Variants in DPP6 observed in about 807,000 individuals in gnomAD.
DPP6 encodes A-type potassium channel modulatory protein DPP6.
A neutral mutation model predicts 122.6 loss-of-function variants in DPP6; 69 were observed. The ratio of observed to expected loss-of-function variants is 0.56; its 90% CI spans 0.46 to 0.69. DPP6 has a LOEUF of 0.69. DPP6 is among the 30% of genes least tolerant of loss of function. The pLI, the probability that DPP6 is intolerant of heterozygous loss-of-function variation, is 0.00. For synonymous variants in DPP6, 418 were observed against 433.1 expected (o/e 0.97, Z 0.43); for missense variants, 928 against 1,116.9 (o/e 0.83, Z 2.41).
At chr7:154,023,028 C>T (rs945839385) in intron 1 of DPP6, among the ~76,000 whole-genome samples, 29 of 152,202 alleles carry the variant, frequency 1.9e-4, no homozygotes, top group African/African-American at 5.8e-4. Flanking sequence ...CTGAGGTACC[C>T]AGTACTTGTC....
At chr7:154,310,140 C>G (rs529758870) in intron 1 of DPP6, among the ~76,000 whole-genome samples, 1 of 152,154 alleles carries the variant, frequency 6.6e-6, no homozygotes, top group East Asian at 1.9e-4. Flanking sequence ...GGTCCAGAAC[C>G]AGAGCTCCCT....
the DPP6 span, among the ~76,000 whole-genome samples, chr7:153,817,892 C>T: frequency 2.6e-5 from 4 of 151,290 alleles, no homozygotes; most frequent in Non-Finnish European, 1.5e-5. Flanking sequence ...ATTGTGCACA[C>T]GAACCCTAGA....
intron 1 of DPP6, among the ~76,000 whole-genome samples, chr7:154,276,492 A>T (rs528433382): frequency 1.3e-5 from 2 of 152,344 alleles, no homozygotes; most frequent in East Asian, 3.9e-4. Context: ...TATTATTCTG[A>T]CCTCACAATA....
chr7:154,544,034 A>G (rs1278194241), intron 4 of DPP6, among the ~76,000 whole-genome samples: 6 of 148,698 alleles, frequency 4.0e-5, no homozygotes, highest in Non-Finnish European at 8.9e-5. Flanking sequence ...ATGTGTAAAC[A>G]TTTAAAATTC....
intron 1 of DPP6, among the ~76,000 whole-genome samples, chr7:154,272,504 C>T (rs1803860852): frequency 6.6e-6 from 1 of 152,216 alleles, no homozygotes; most frequent in African/African-American, 2.4e-5. Flanking sequence ...CACCTAAAGA[C>T]TCATTGCAAA....
At chr7:153,754,440 G>A in the DPP6 span, among the ~76,000 whole-genome samples, 1 of 151,976 alleles carries the variant, frequency 6.6e-6, no homozygotes, top group African/African-American at 2.4e-5. Flanking sequence ...ATAGTTCCCT[G>A]TATGTACTGT....
At chr7:153,806,811 C>T in the DPP6 span, among the ~76,000 whole-genome samples, 1 of 151,230 alleles carries the variant, frequency 6.6e-6, no homozygotes. Context: ...TGAAGGTTGA[C>T]CTAGTTTCAG....
At position 154,444,514 on chromosome 7, in the gene DPP6, T is replaced by C. The variant is rs562936841; in HGVS notation, c.244-1700T>C. Among the ~76,000 whole-genome samples, 248 of 152,340 alleles carry C rather than the reference T, an allele frequency of 1.6e-3. 1 individual carries two copies. The highest frequency in any genetic ancestry group is 5.7e-3 in the African/African-American group (235 of 41,576). The stretch of plus-strand genomic sequence containing the variant: ...AAAAGATATCAATTATTTGAGCTAA[T>C]GAAGATAACATTAATTTTATCATTC... On this transcript the variant is annotated intron_variant, in intron 1 of 25. Transcript: ENST00000377770.
chr7:154,649,866 C>T (rs757020148), intron 6 of DPP6, among the ~76,000 whole-genome samples: 8 of 152,220 alleles, frequency 5.3e-5, no homozygotes, highest in African/African-American at 1.2e-4. Flanking sequence ...GCGGATTCCA[C>T]GTGGCCCTGG....
At chr7:154,340,343 A>C (rs894787370) in intron 1 of DPP6, among the ~76,000 whole-genome samples, 1 of 152,214 alleles carries the variant, frequency 6.6e-6, no homozygotes, top group Non-Finnish European at 1.5e-5. Flanking sequence ...AAATAAATCC[A>C]AAATCCCCAA....
At chr7:154,839,513 G>C (rs954533047) in intron 16 of DPP6, among the ~76,000 whole-genome samples, 9 of 152,172 alleles carry the variant, frequency 5.9e-5, no homozygotes, top group African/African-American at 2.2e-4. Flanking sequence ...CTCTTGCCTG[G>C]GGCTACGTTA....
At chr7:154,323,327 A>T (rs1808138257) in intron 1 of DPP6, among the ~76,000 whole-genome samples, 1 of 151,558 alleles carries the variant, frequency 6.6e-6, no homozygotes, top group Non-Finnish European at 1.5e-5. Flanking sequence ...TGCATTAAAA[A>T]AGAAAAAAAA....
chr7:153,757,090 A>G, the DPP6 span, among the ~76,000 whole-genome samples: 1 of 152,152 alleles, frequency 6.6e-6, no homozygotes, highest in Non-Finnish European at 1.5e-5. Context: ...TAATATTTTT[A>G]TTACAGTCCC....
chr7:153,765,928 T>A, the DPP6 span, among the ~76,000 whole-genome samples: 2 of 152,204 alleles, frequency 1.3e-5, no homozygotes, highest in African/African-American at 4.8e-5. Flanking sequence ...ACCATCTTGG[T>A]GTTCTTGTTA....
intron 1 of DPP6, among the ~76,000 whole-genome samples, chr7:154,327,415 A>G (rs2151030223): frequency 6.6e-6 from 1 of 152,192 alleles, no homozygotes; most frequent in Non-Finnish European, 1.5e-5. Context: ...CAACATATAT[A>G]TTGATGAAGA....
intron 8 of DPP6, among the ~76,000 whole-genome samples, chr7:154,737,264 C>T (rs1842611489): frequency 6.6e-6 from 1 of 152,190 alleles, no homozygotes; most frequent in Non-Finnish European, 1.5e-5. Flanking sequence ...GAGACTGGTT[C>T]CAGGAACCCC....
At chr7:154,248,219 G>T (rs1802115890) in intron 1 of DPP6, among the ~76,000 whole-genome samples, 1 of 152,146 alleles carries the variant, frequency 6.6e-6, no homozygotes, top group South Asian at 2.1e-4. Flanking sequence ...CACAATGGGG[G>T]TTAGGACTTT....
In DPP6 at chr7:154,490,320, C is replaced by T. The variant is rs78609161; in HGVS notation, c.457+15283C>T. Among the ~76,000 whole-genome samples the T allele has an allele frequency of 1.2e-4, 18 of 152,334 alleles. No individual in the cohort carries two copies. In the East Asian group the frequency reaches 3.1e-3, roughly 26 times the overall value. On this transcript the variant is annotated intron_variant, in intron 3 of 25. Transcript: ENST00000377770. ...CAGGTGTCTCTTCCCCCGGCTCCCT[C>T]GTGCTCTCTCAAGATCAGCCCAGCT...
At chr7:154,754,762 G>A (rs542829986) in intron 8 of DPP6, among the ~76,000 whole-genome samples, 2 of 152,350 alleles carry the variant, frequency 1.3e-5, no homozygotes, top group African/African-American at 4.8e-5. Context: ...TACAGGAAAT[G>A]TGGCACATAT....
Sources: allele counts gnomAD v4.1 joint callset (sites outside exome capture counted in the v4.1 genomes callset), GRCh38; gene constraint gnomAD v4.1.1; transcripts MANE v1.5; gene names NCBI Gene and HGNC (gene_info 2026-07-23, HGNC 2026-07-21).